The following MGAT5 variants were observed in gnomAD, a reference collection of about 807,000 sequenced individuals.
The protein encoded by MGAT5 is alpha-1,6-mannosylglycoprotein 6-beta-N-acetylglucosaminyltransferase A.
MGAT5 carries 30 observed loss-of-function variants against 94.3 expected under a neutral mutation model. The observed-to-expected ratio is 0.32, with a 90% CI of 0.24 to 0.43. MGAT5 has a LOEUF of 0.43. MGAT5 is among the 20% of genes least tolerant of loss of function. MGAT5 has a pLI of 1.00. For missense variants in MGAT5, 691 were observed against 905.5 expected, an observed-to-expected ratio of 0.76 and a Z score of 3.04; for synonymous variants, 310 against 322.9, an observed-to-expected ratio of 0.96 and a Z score of 0.43.
chr2:134,130,400 G>A (rs116782408), intron 1 of MGAT5, among the ~76,000 whole-genome samples: 2,691 of 152,352 alleles, frequency 0.018, 89 homozygotes, highest in African/African-American at 0.059. Context: ...ATGCAGGCGC[G>A]GGGCGTGGGA....
chr2:134,394,460 A>G (rs1408288796), intron 10 of MGAT5, among the ~76,000 whole-genome samples: 1 of 152,186 alleles, frequency 6.6e-6, no homozygotes, highest in Admixed American at 6.5e-5. Flanking sequence ...GGAATCCCTC[A>G]CAGATTTACA....
chr2:134,388,779 G>T (rs562724801), intron 10 of MGAT5, among the ~76,000 whole-genome samples: 3 of 117,372 alleles, frequency 2.6e-5, no homozygotes, highest in Admixed American at 9.4e-5. Context: ...GGGTGGGGGG[G>T]TGGTCGGAGT....
At chr2:134,215,518 G>A (rs57069714) in intron 1 of MGAT5, among the ~76,000 whole-genome samples, 6,346 of 152,252 alleles carry the variant, frequency 0.042, 337 homozygotes, top group East Asian at 0.24. Context: ...CCAAACATGA[G>A]AAGGGATTTG....
At position 134,209,158 on chromosome 2, in the gene MGAT5, T is replaced by TA; in HGVS notation, c.-142-45104_-142-45103insA. ...ACTGGCTTATTTTTTTTTTATTTTT[T>TA]TTTTTTTTTTTATTTTTTTTTTTAT... is the stretch of plus-strand genomic sequence containing the variant. On this transcript the variant is annotated intron_variant, in intron 1 of 16. Transcript: ENST00000409645. Among the ~76,000 whole-genome samples the TA allele has an allele frequency of 9.9e-5, 2 of 20,238 alleles. 1 individual carries two copies. Among genetic ancestry groups the TA allele is most frequent in the South Asian group, 5.4e-3 (2 of 372 alleles). 13.3% of individuals were successfully genotyped at this position (20,238 alleles called of 152,430 possible). A position where few individuals can be genotyped will look rare whatever the true frequency, so the allele number is the denominator to read the frequency against.
intron 1 of MGAT5, among the ~76,000 whole-genome samples, chr2:134,179,592 G>A (rs1283975685): frequency 2.0e-5 from 3 of 152,222 alleles, no homozygotes; most frequent in Non-Finnish European, 4.4e-5. Flanking sequence ...ACTGAGGCAA[G>A]TAGAAGTCTA....
chr2:134,421,653 G>C (rs1046234563), intron 12 of MGAT5, among the ~76,000 whole-genome samples: 1 of 152,062 alleles, frequency 6.6e-6, no homozygotes. Flanking sequence ...TGAAAGTTTC[G>C]TGGGCAGTGG....
intron 2 of MGAT5, among the ~76,000 whole-genome samples, chr2:134,315,018 C>T (rs1686916838): frequency 6.6e-6 from 1 of 151,720 alleles, no homozygotes; most frequent in Non-Finnish European, 1.5e-5. Context: ...AATATTTACT[C>T]TCTGTTTCTT....
chr2:134,380,825 C>T (rs1681492333), intron 10 of MGAT5, among the ~76,000 whole-genome samples: 2 of 152,164 alleles, frequency 1.3e-5, no homozygotes, highest in South Asian at 4.1e-4. Flanking sequence ...GTACATACAA[C>T]TGTAGAGCAG....
At chr2:134,443,596 T>G (rs1284408565) in intron 15 of MGAT5, among the ~76,000 whole-genome samples, 1 of 152,108 alleles carries the variant, frequency 6.6e-6, no homozygotes, top group Non-Finnish European at 1.5e-5. Flanking sequence ...AGTGGGGGCT[T>G]GGGGCGGCAC....
intron 10 of MGAT5, among the ~76,000 whole-genome samples, chr2:134,392,659 G>A (rs112611193): frequency 0.032 from 4,856 of 152,284 alleles, 269 homozygotes; most frequent in African/African-American, 0.11. Context: ...ATTCTGAGGG[G>A]AGAGATTATG....
intron 2 of MGAT5, among the ~76,000 whole-genome samples, chr2:134,307,203 A>G (rs1686378218): frequency 6.6e-6 from 1 of 152,158 alleles, no homozygotes; most frequent in African/African-American, 2.4e-5. Flanking sequence ...CTGTTAATCA[A>G]AGAAGGGGGC....
At chr2:134,214,758 A>G (rs1680381712) in intron 1 of MGAT5, among the ~76,000 whole-genome samples, 1 of 152,212 alleles carries the variant, frequency 6.6e-6, no homozygotes, top group Non-Finnish European at 1.5e-5. Context: ...CCTAACAGCC[A>G]ACGAACATTT....
intron 1 of MGAT5, among the ~76,000 whole-genome samples, chr2:134,261,128 C>T (rs185906289): frequency 3.9e-5 from 6 of 152,286 alleles, no homozygotes; most frequent in African/African-American, 1.4e-4. Flanking sequence ...TTCTACCCCT[C>T]AGTCATTAAG....
intron 2 of MGAT5, among the ~76,000 whole-genome samples, chr2:134,294,102 G>A (rs1685533326): frequency 6.6e-6 from 1 of 152,108 alleles, no homozygotes; most frequent in Admixed American, 6.5e-5. Context: ...CAAATCTTTT[G>A]CCTCTGAGTG....
intron 8 of MGAT5, among the ~76,000 whole-genome samples, chr2:134,347,001 C>G (rs573535967): frequency 2.6e-5 from 4 of 152,272 alleles, no homozygotes; most frequent in African/African-American, 9.6e-5. Context: ...CTGCTGCGAT[C>G]GCTGTTACGG....
chr2:134,254,188 T>C lies in MGAT5; in HGVS notation c.-216T>C, dbSNP rs1355977548. The C allele has an allele frequency of 1.7e-6, 1 of 599,936 alleles. No individual in the cohort carries two copies. The highest frequency in any genetic ancestry group is 2.8e-5 in the East Asian group (1 of 36,086). The allele number at this position is 599,936 out of a possible 1,614,324, so 37.2% of individuals were successfully genotyped here. On this transcript the variant is annotated 5_prime_UTR_variant, in exon 1 of 16. Transcript: ENST00000281923. ...GACATTTTACTTAGAGGTATTCAAG[T>C]GAAAACATGGCTTCTGGTTTATTTT...
At chr2:134,302,762 G>C (rs1282754387) in intron 2 of MGAT5, among the ~76,000 whole-genome samples, 1 of 129,980 alleles carries the variant, frequency 7.7e-6, no homozygotes, top group Non-Finnish European at 1.7e-5. Flanking sequence ...GTGTGTGTGT[G>C]TGTGTGTGTT....
At chr2:134,371,713 TG>T (rs1268520263) in intron 10 of MGAT5, among the ~76,000 whole-genome samples, 1 of 152,208 alleles carries the variant, frequency 6.6e-6, no homozygotes, top group Non-Finnish European at 1.5e-5. Flanking sequence ...TCTTCCCATT[TG>T]TGAGAGAAAA....
chr2:134,282,147 C>G (rs182105134), intron 2 of MGAT5, among the ~76,000 whole-genome samples: 399 of 152,316 alleles, frequency 2.6e-3, no homozygotes, highest in African/African-American at 9.3e-3. Context: ...AACTGCCTTC[C>G]CTGTACTGCC....
Sources: gnomAD v4.1 joint callset for allele counts (sites outside exome capture counted in the v4.1 genomes callset) on GRCh38, gnomAD v4.1.1 for gene constraint, MANE v1.5 for transcripts, NCBI Gene and HGNC (gene_info 2026-07-23, HGNC 2026-07-21) for gene names.